Variants in DLGAP2 observed in about 807,000 individuals in gnomAD.
DLGAP2 encodes disks large-associated protein 2.
DLGAP2 carries 26 observed loss-of-function variants against 100.3 expected under a neutral mutation model. That is an observed-to-expected ratio of 0.26 (90% CI 0.19 to 0.36). The LOEUF (loss-of-function observed/expected upper bound fraction) is 0.36, where lower values mean the gene tolerates loss of function less well. Among genes scored for constraint, DLGAP2 ranks in the 10% least tolerant of loss-of-function variants. The pLI is 1.00. For missense variants in DLGAP2, 1,858 were observed against 1,453.2 expected, an observed-to-expected ratio of 1.28 and a Z score of -4.53; for synonymous variants, 886 against 630.1, an observed-to-expected ratio of 1.41 and a Z score of -6.08.
chr8:1,137,665 A>G (rs1796445942), intron 2 of DLGAP2: 1 of 152,236 alleles, frequency 6.6e-6, no homozygotes, highest in Non-Finnish European at 1.5e-5. Context: ...GGTATCTGAA[A>G]TAAGAACATG....
intron 2 of DLGAP2, among the ~76,000 whole-genome samples, chr8:1,228,238 T>G (rs927221593): frequency 6.6e-6 from 1 of 151,524 alleles, no homozygotes; most frequent in Non-Finnish European, 1.5e-5. Flanking sequence ...AAAATAAAAA[T>G]AAAAAAATAC....
chr8:1,387,591 G>C (rs890180850), intron 3 of DLGAP2, among the ~76,000 whole-genome samples: 1 of 152,322 alleles, frequency 6.6e-6, no homozygotes, highest in African/African-American at 2.4e-5. Context: ...GGCTAGAATG[G>C]TGAATTTCGT....
intron 7 of DLGAP2, among the ~76,000 whole-genome samples, chr8:1,629,327 T>G (rs145746514): frequency 1.3e-5 from 2 of 152,224 alleles, no homozygotes; most frequent in Non-Finnish European, 2.9e-5. Context: ...AGGAATTGCA[T>G]TGACTCTTTT....
At chr8:1,557,290 T>C (rs1041108074) in intron 5 of DLGAP2, among the ~76,000 whole-genome samples, 1 of 151,880 alleles carries the variant, frequency 6.6e-6, no homozygotes, top group Non-Finnish European at 1.5e-5. Flanking sequence ...GCCGGGGGGC[T>C]CACAATAGGG....
intron 3 of DLGAP2, among the ~76,000 whole-genome samples, chr8:1,303,819 G>A (rs11785306): frequency 0.14 from 21,716 of 152,204 alleles, 1,802 homozygotes; most frequent in Middle Eastern, 0.3. Flanking sequence ...CTGCGCTGAG[G>A]AGAAGGCGGG....
intron 2 of DLGAP2, among the ~76,000 whole-genome samples, chr8:1,166,855 A>G (rs1490543798): frequency 6.6e-6 from 1 of 152,226 alleles, no homozygotes; most frequent in African/African-American, 2.4e-5. Flanking sequence ...TGATAATACT[A>G]TATTTAAGTA....
At chr8:1,423,392 C>G (rs1437712251) in intron 3 of DLGAP2, among the ~76,000 whole-genome samples, 1 of 152,186 alleles carries the variant, frequency 6.6e-6, no homozygotes, top group Non-Finnish European at 1.5e-5. Flanking sequence ...GGGGTCTGGA[C>G]TGGAGTTTGC....
In DLGAP2 at chr8:1,361,749, G is replaced by A. The variant is rs548884009; in HGVS notation, c.106+102866G>A. Among the ~76,000 whole-genome samples the A allele has an allele frequency of 1.9e-4, 29 of 152,344 alleles. No individual in the cohort carries two copies. The South Asian group carries it at 2.1e-3, about 11-fold the overall frequency. On this transcript the variant is annotated intron_variant, in intron 3 of 14. Coordinates refer to ENST00000637795, the MANE Select transcript of DLGAP2 (RefSeq NM_001346810.2). The stretch of plus-strand genomic sequence containing the variant: ...CTATGAGGAAGCTGCGAGTGAGTCG[G>A]AAATTTGTACAAAAATCCAGTGGAG...
chr8:1,086,480 T>C (rs1439504048), intron 2 of DLGAP2, among the ~76,000 whole-genome samples: 1 of 152,192 alleles, frequency 6.6e-6, no homozygotes, highest in African/African-American at 2.4e-5. Flanking sequence ...AGAGTGAATA[T>C]GTGTATAAAA....
intron 1 of DLGAP2, among the ~76,000 whole-genome samples, chr8:873,669 A>G (rs1384816666): frequency 6.6e-6 from 1 of 152,120 alleles, no homozygotes; most frequent in Non-Finnish European, 1.5e-5. Flanking sequence ...CTTTGATATT[A>G]GAGTAATATT....
chr8:1,274,443 C>G (rs979378932), intron 3 of DLGAP2, among the ~76,000 whole-genome samples: 4 of 149,436 alleles, frequency 2.7e-5, no homozygotes, highest in African/African-American at 9.7e-5. Context: ...GAACATAAAC[C>G]ATAAAATGAG....
chr8:1,678,256 C>G lies in DLGAP2; in HGVS notation c.2331C>G (p.Val777=). 1.2e-6 allele frequency: 2 copies of G among 1,613,844 alleles called. No individual in the cohort carries two copies. Among genetic ancestry groups the G allele is most frequent in the Middle Eastern group, 1.6e-4 (1 of 6,062 alleles). The part of the protein sequence containing the change: ...FKRSNSVTAA[V]QADLELEGFP... ...GTTCTAACAGCGTCACGGCCGCCGT[C>G]CAAGCTGACCTGGAGCTGGAGGGGT... The change falls in exon 12 of 15, where the codon GTC becomes GTG. Residue 777 remains valine, a synonymous_variant. Coordinates refer to ENST00000637795, the MANE Select transcript of DLGAP2 (RefSeq NM_001346810.2).
intron 2 of DLGAP2, among the ~76,000 whole-genome samples, chr8:1,154,809 G>A (rs956634595): frequency 6.6e-6 from 1 of 152,094 alleles, no homozygotes; most frequent in African/African-American, 2.4e-5. Context: ...TAAGACTGTG[G>A]GCCTGACAAA....
chr8:1,153,661 C>G (rs1002864787), intron 2 of DLGAP2, among the ~76,000 whole-genome samples: 1 of 152,214 alleles, frequency 6.6e-6, no homozygotes, highest in Non-Finnish European at 1.5e-5. Flanking sequence ...GAATGTGAGT[C>G]TAATGAGAAC....
chr8:1,573,523 C>T (rs1802836372), intron 6 of DLGAP2, among the ~76,000 whole-genome samples: 1 of 152,056 alleles, frequency 6.6e-6, no homozygotes, highest in Non-Finnish European at 1.5e-5. Flanking sequence ...CCCTGACTGC[C>T]ATCCGTGGGT....
At chr8:986,994 A>T (rs959555063) in intron 2 of DLGAP2, among the ~76,000 whole-genome samples, 11 of 152,180 alleles carry the variant, frequency 7.2e-5, no homozygotes, top group African/African-American at 2.7e-4. Flanking sequence ...CATTTAATGT[A>T]TACAGTAATC....
At chr8:780,351 C>G (rs1315101780) in intron 1 of DLGAP2, among the ~76,000 whole-genome samples, 2 of 152,224 alleles carry the variant, frequency 1.3e-5, no homozygotes, top group African/African-American at 4.8e-5. Context: ...AACTGGCATT[C>G]CACTGTGCAC....
intron 4 of DLGAP2, among the ~76,000 whole-genome samples, chr8:1,531,456 C>T (rs1800987587): frequency 6.6e-6 from 1 of 151,886 alleles, no homozygotes. Flanking sequence ...GAATTTTTTT[C>T]AGCTATTTGG....
intron 1 of DLGAP2, among the ~76,000 whole-genome samples, chr8:748,630 T>C (rs926591623): frequency 3.3e-5 from 5 of 152,158 alleles, no homozygotes; most frequent in Admixed American, 3.3e-4. Context: ...CTTACATATA[T>C]TGGGTGACAT....
Sources: allele counts gnomAD v4.1 joint callset (sites outside exome capture counted in the v4.1 genomes callset), GRCh38; gene constraint gnomAD v4.1.1; transcripts MANE v1.5; gene names NCBI Gene and HGNC (gene_info 2026-07-23, HGNC 2026-07-21).